The following EFR3A variants were observed in gnomAD, a reference collection of about 807,000 sequenced individuals.
EFR3A encodes protein EFR3 homolog A.
A neutral mutation model predicts 104.4 loss-of-function variants in EFR3A; 76 were observed. The ratio of observed to expected loss-of-function variants is 0.73; its 90% CI spans 0.60 to 0.88. The LOEUF (loss-of-function observed/expected upper bound fraction) is 0.88, where lower values mean the gene tolerates loss of function less well. EFR3A is among the 40% of genes least tolerant of loss of function. EFR3A has a pLI of 0.00. For synonymous variants in EFR3A, 330 were observed against 330.0 expected (o/e 1.00, Z 0.00); for missense variants, 985 against 1,012.5 (o/e 0.97, Z 0.37).
In EFR3A at chr8:131,944,850, G is replaced by T; in HGVS notation, c.193G>T (p.Asp65Tyr). ...TTACCTGGCAGAAAGGTTGAGCAGG[G>T]ATGTTGTCAGACATCGTTCTGGGTA... ...GSYLAERLSR[D>Y]VVRHRSGYVL... Residue 65 changes from aspartate to tyrosine, a missense_variant, in exon 3 of 23, where the codon GAT (aspartate) becomes TAT (tyrosine). Coordinates refer to ENST00000254624, the MANE Select transcript of EFR3A (RefSeq NM_015137.6). 6.2e-7 allele frequency: 1 copy of T among 1,610,818 alleles called. No homozygotes were observed. The highest frequency in any genetic ancestry group is 1.1e-5 in the South Asian group (1 of 90,682).
chr8:131,913,132 GTT>G (rs5895116), intron 1 of EFR3A, among the ~76,000 whole-genome samples: 288 of 132,260 alleles, frequency 2.2e-3, no homozygotes, highest in Admixed American at 3.9e-3. Flanking sequence ...TTATTTTTCT[GTT>G]TTTTTTTTTT....
chr8:131,932,415 G>A (rs982496853), intron 1 of EFR3A, among the ~76,000 whole-genome samples: 1 of 152,036 alleles, frequency 6.6e-6, no homozygotes, highest in African/African-American at 2.4e-5. Flanking sequence ...AATGTTCCTT[G>A]GTGTTCCATG....
At chr8:131,984,330 A>T (rs202008443) in intron 15 of EFR3A, 30 bp downstream of exon 15, 1 of 1,478,464 alleles carries the variant, frequency 6.8e-7, no homozygotes, top group Non-Finnish European at 9.0e-7. Flanking sequence ...CACTGCAGAA[A>T]ACATTTTTTA....
At position 132,011,767 on chromosome 8, in the gene EFR3A, T is replaced by G. The variant is rs573377097; in HGVS notation, c.*872T>G. ...GCTATTAGTTCACCTGTGAAGAGTC[T>G]GTACATTTTGATTTCTATTAAGAGC... On this transcript the variant is annotated 3_prime_UTR_variant, in exon 23 of 23. Transcript: ENST00000254624. 1 of 152,666 alleles carries G rather than the reference T, an allele frequency of 6.6e-6. No individual in the cohort carries two copies. Among genetic ancestry groups the G allele is most frequent in the Non-Finnish European group, 1.5e-5 (1 of 68,026 alleles). 9.5% of individuals were successfully genotyped at this position (152,666 alleles called of 1,614,324 possible).
intron 20 of EFR3A, 45 bp downstream of exon 20, chr8:132,001,852 C>G: frequency 6.7e-7 from 1 of 1,499,294 alleles, no homozygotes; most frequent in Non-Finnish European, 9.3e-7. Flanking sequence ...TTTAACTTAT[C>G]TTTATCTGCT....
intron 1 of EFR3A, among the ~76,000 whole-genome samples, chr8:131,921,772 G>C (rs1323956120): frequency 6.7e-6 from 1 of 149,770 alleles, no homozygotes; most frequent in Non-Finnish European, 1.5e-5. Context: ...GTTTGAGTTT[G>C]AGTGACTGAA....
intron 1 of EFR3A, among the ~76,000 whole-genome samples, chr8:131,930,150 A>C (rs763780970): frequency 9.9e-5 from 15 of 152,120 alleles, no homozygotes; most frequent in Non-Finnish European, 1.6e-4. Flanking sequence ...AGAAACTCTT[A>C]AGAGTTTGTT....
At chr8:131,977,176 T>C in intron 12 of EFR3A, 84 bp downstream of exon 12, 1 of 976,844 alleles carries the variant, frequency 1.0e-6, no homozygotes, top group Middle Eastern at 2.2e-4. Context: ...TTACAACCGT[T>C]CTTTCTTAAG....
chr8:131,945,423 A>G (rs1818389600), intron 3 of EFR3A, among the ~76,000 whole-genome samples: 1 of 152,012 alleles, frequency 6.6e-6, no homozygotes, highest in South Asian at 2.1e-4. Context: ...TCAAACAATA[A>G]TAACTTTGCA....
chr8:131,919,584 A>C (rs1816901269), intron 1 of EFR3A, among the ~76,000 whole-genome samples: 1 of 148,054 alleles, frequency 6.8e-6, no homozygotes, highest in Admixed American at 6.8e-5. Flanking sequence ...CGACAGAGCA[A>C]GACTCCGTCT....
rs1041285933 is a variant in EFR3A, at chr8:131,927,800, A to G, written c.11-12699A>G. Among the ~76,000 whole-genome samples, 122 of 151,976 alleles carry G rather than the reference A, an allele frequency of 8.0e-4. 1 individual carries two copies. The highest frequency in any genetic ancestry group is 2.2e-4 in the Non-Finnish European group (15 of 67,944). The stretch of plus-strand genomic sequence containing the variant: ...ATTGAATTATCGTTTATTATTTTAG[A>G]AAAAAAACCAAAAAGTTAAAAAGTG... On this transcript the variant is annotated intron_variant, in intron 1 of 22. Transcript: ENST00000254624.
chr8:132,001,861 C>A, intron 20 of EFR3A, 54 bp downstream of exon 20: 1 of 1,463,098 alleles, frequency 6.8e-7, no homozygotes, highest in Non-Finnish European at 9.6e-7. Context: ...TCTTTATCTG[C>A]TGCTTTTTTC....
intron 4 of EFR3A, among the ~76,000 whole-genome samples, chr8:131,947,939 C>G (rs1818516678): frequency 6.6e-6 from 1 of 152,030 alleles, no homozygotes; most frequent in Non-Finnish European, 1.5e-5. Flanking sequence ...CTATCTTGAA[C>G]CATTGTCCCT....
At chr8:131,932,699 T>C (rs10505582) in intron 1 of EFR3A, among the ~76,000 whole-genome samples, 6,320 of 152,250 alleles carry the variant, frequency 0.042, 325 homozygotes, top group East Asian at 0.12. Context: ...TGAAATACAC[T>C]CTATAAATGG....
At chr8:131,906,890 G>A (rs1816288131) in intron 1 of EFR3A, among the ~76,000 whole-genome samples, 2 of 152,140 alleles carry the variant, frequency 1.3e-5, no homozygotes, top group South Asian at 2.1e-4. Context: ...TCCATTCAAA[G>A]GACCATTAAG....
intron 14 of EFR3A, among the ~76,000 whole-genome samples, chr8:131,980,051 G>A (rs1190638007): frequency 6.6e-6 from 1 of 152,088 alleles, no homozygotes; most frequent in Non-Finnish European, 1.5e-5. Flanking sequence ...GCTATACACT[G>A]AGTCAATATT....
intron 15 of EFR3A, 94 bp downstream of exon 15, chr8:131,984,394 A>G: frequency 8.3e-7 from 1 of 1,206,682 alleles, no homozygotes; most frequent in Non-Finnish European, 1.1e-6. Context: ...ATGAATTTTA[A>G]AAGGGAGGTA....
chr8:131,940,627 C>G (rs1245633856), intron 2 of EFR3A, 52 bp downstream of exon 2: 8 of 1,564,558 alleles, frequency 5.1e-6, no homozygotes, highest in Non-Finnish European at 6.9e-6. Flanking sequence ...CATTCTGCCC[C>G]CCGCTGACCT....
At position 131,977,042 on chromosome 8, in the gene EFR3A, G is replaced by T; in HGVS notation, c.1276G>T (p.Asp426Tyr). The T allele has an allele frequency of 6.3e-7, 1 of 1,597,162 alleles. No individual in the cohort carries two copies. The highest frequency in any genetic ancestry group is 1.3e-5 in the African/African-American group (1 of 74,598). Residue 426 changes from aspartate (D) to tyrosine (Y), a missense_variant and splice_region_variant, in exon 12 of 23, where the codon GAT (aspartate) becomes TAT (tyrosine). By Grantham distance (160) the Asp-to-Tyr change is radical. Coordinates refer to ENST00000254624, the MANE Select transcript of EFR3A (RefSeq NM_015137.6). ...THTLDISQLG[D>Y]LGTRRIQIML... is the part of the protein sequence containing the mutation. ...AATTCAGCCTTTTGTATATTTTAGG[G>T]ATTTGGGAACCAGGAGAATTCAGAT...
Sources: allele counts gnomAD v4.1 joint callset (sites outside exome capture counted in the v4.1 genomes callset), GRCh38; gene constraint gnomAD v4.1.1; transcripts MANE v1.5; gene names NCBI Gene and HGNC (gene_info 2026-07-23, HGNC 2026-07-21).